Variants in FOXA3 observed in about 807,000 individuals in gnomAD.
FOXA3 encodes the protein hepatocyte nuclear factor 3-gamma.
A neutral mutation model predicts 16.9 loss-of-function variants in FOXA3; 11 were observed. The ratio of observed to expected loss-of-function variants is 0.65; its 90% CI spans 0.41 to 1.08. FOXA3 has a LOEUF of 1.08. Ranked by LOEUF, FOXA3 falls within the 50% of genes least tolerant of loss-of-function variation. The pLI, the probability that FOXA3 is intolerant of heterozygous loss-of-function variation, is 0.00. For synonymous variants in FOXA3, 217 were observed against 203.3 expected (o/e 1.07, Z -0.57); for missense variants, 423 against 470.1 (o/e 0.90, Z 0.93).
intron 1 of FOXA3, among the ~76,000 whole-genome samples, chr19:45,869,354 T>G (rs1001163378): frequency 1.3e-5 from 2 of 152,218 alleles, no homozygotes; most frequent in African/African-American, 4.8e-5. Flanking sequence ...TCTCTGGGCC[T>G]CAGCTAGCTC....
intron 1 of FOXA3, among the ~76,000 whole-genome samples, chr19:45,868,124 G>A (rs1169158605): frequency 6.6e-6 from 1 of 152,096 alleles, no homozygotes; most frequent in Non-Finnish European, 1.5e-5. Context: ...GAGATTCAAA[G>A]AGACATGATG....
At chr19:45,864,646 G>A (rs1321949770) in intron 1 of FOXA3, 121 bp downstream of exon 1, 3 of 707,524 alleles carry the variant, frequency 4.2e-6, no homozygotes, top group Non-Finnish European at 6.1e-6. Flanking sequence ...GGGCAGCTGA[G>A]GAACTGGGAA....
In FOXA3 at chr19:45,864,518, C is replaced by A; in HGVS notation, c.62C>A (p.Ala21Glu). The A allele has an allele frequency of 6.5e-7, 1 of 1,544,864 alleles. No individual in the cohort carries two copies. The highest frequency in any genetic ancestry group is 1.2e-5 in the South Asian group (1 of 81,794). ...DLAEWSYYPE[A>E]GEVYSPVTPV... Reference sequence around the variant, plus strand: ...GCCGAGTGGAGCTACTACCCGGAGGCGGGCGAGGTGTGTCCTCGGGGATGG... The same window carrying A: ...GCCGAGTGGAGCTACTACCCGGAGGAGGGCGAGGTGTGTCCTCGGGGATGG... Residue 21 changes from alanine (A) to glutamate (E), a missense_variant, in exon 1 of 2, where the codon GCG becomes GAG. Transcript: ENST00000302177.
Position 45,873,200 on chromosome 19 carries a change from C to A in FOXA3, c.*142C>A. The stretch of plus-strand genomic sequence containing the variant: ...TTACTTACTGTGATGACTGCTGTCT[C>A]AGTGGGCATGGTGTTGATCCACGGG... On this transcript the variant is annotated 3_prime_UTR_variant, in exon 2 of 2. Transcript: ENST00000302177. 7.5e-7 allele frequency: 1 copy of A among 1,334,014 alleles called. No homozygotes were observed. 82.6% of individuals were successfully genotyped at this position (1,334,014 alleles called of 1,614,324 possible). A position where few individuals can be genotyped will look rare whatever the true frequency, so the allele number is the denominator to read the frequency against.
intron 1 of FOXA3, 50 bp downstream of exon 1, chr19:45,864,575 T>C (rs549880301): frequency 2.0e-5 from 28 of 1,427,648 alleles, no homozygotes; most frequent in Middle Eastern, 3.6e-4. Flanking sequence ...GGTATCGGGG[T>C]GTGGGCTCAC....
At chr19:45,867,511 A>G (rs559766951) in intron 1 of FOXA3, among the ~76,000 whole-genome samples, 30 of 152,038 alleles carry the variant, frequency 2.0e-4, no homozygotes, top group Middle Eastern at 3.4e-3. Flanking sequence ...TCGTCATGGT[A>G]GCTCATGACT....
chr19:45,864,452 G>C lies in FOXA3; in HGVS notation c.-5G>C. ...CGGGGGCGGGTGGGGGCGTAAGCCC[G>C]GGGGATGCTGGGCTCAGTGAAGATG... On this transcript the variant is annotated 5_prime_UTR_variant, in exon 1 of 2. Transcript: ENST00000302177. The C allele has an allele frequency of 6.8e-7, 1 of 1,471,396 alleles. No individual in the cohort carries two copies. The highest frequency in any genetic ancestry group is 1.3e-5 in the South Asian group (1 of 74,462). The allele number at this position is 1,471,396 out of a possible 1,614,324, so 91.1% of individuals were successfully genotyped here.
At chr19:45,870,723 C>T (rs910593423) in intron 1 of FOXA3, among the ~76,000 whole-genome samples, 3 of 151,962 alleles carry the variant, frequency 2.0e-5, no homozygotes, top group Non-Finnish European at 2.9e-5. Flanking sequence ...TCCTGTGCCA[C>T]GATGCCGGCT....
At position 45,864,430 on chromosome 19, in the gene FOXA3, G is replaced by A; in HGVS notation, c.-27G>A. 1 of 1,406,344 alleles carries A rather than the reference G, an allele frequency of 7.1e-7. No individual in the cohort carries two copies. The highest frequency in any genetic ancestry group is 9.4e-7 in the Non-Finnish European group (1 of 1,066,336). 87.1% of individuals were successfully genotyped at this position (1,406,344 alleles called of 1,614,324 possible). On this transcript the variant is annotated 5_prime_UTR_variant, in exon 1 of 2. Transcript: ENST00000302177. ...CTCCGTTCCCCCGGGGCCGGAGCGG[G>A]GGCGGGTGGGGGCGTAAGCCCGGGG... is the stretch of plus-strand genomic sequence containing the variant.
intron 1 of FOXA3, among the ~76,000 whole-genome samples, chr19:45,867,467 G>GGATGGATA (rs1029942396): frequency 6.7e-6 from 1 of 150,328 alleles, no homozygotes; most frequent in African/African-American, 2.4e-5. Flanking sequence ...ATGCATGGAT[G>GGATGGATA]GATGGATAGA....
At chr19:45,864,964 G>T (rs3810328) in intron 1 of FOXA3, among the ~76,000 whole-genome samples, 15,116 of 152,086 alleles carry the variant, frequency 0.099, 753 homozygotes, top group Non-Finnish European at 0.1. Flanking sequence ...TTAAGGGGAA[G>T]ACTGAGGTGG....
At chr19:45,867,962 G>T (rs1252770759) in intron 1 of FOXA3, among the ~76,000 whole-genome samples, 1 of 149,968 alleles carries the variant, frequency 6.7e-6, no homozygotes, top group African/African-American at 2.5e-5. Flanking sequence ...GATGGGAGAG[G>T]ACTCGGGAGG....
intron 1 of FOXA3, among the ~76,000 whole-genome samples, chr19:45,870,569 C>CT (rs34349319): frequency 0.33 from 43,951 of 133,204 alleles, 7,691 homozygotes; most frequent in African/African-American, 0.44. Flanking sequence ...CACCCCCCTT[C>CT]TTTTTTTTTT....
At chr19:45,866,934 A>C (rs1972089869) in intron 1 of FOXA3, among the ~76,000 whole-genome samples, 1 of 152,214 alleles carries the variant, frequency 6.6e-6, no homozygotes, top group South Asian at 2.1e-4. Context: ...AAAGAGGAGA[A>C]ATTCCAGTCT....
chr19:45,871,515 A>G (rs1263091577), intron 1 of FOXA3, among the ~76,000 whole-genome samples: 3 of 151,132 alleles, frequency 2.0e-5, no homozygotes, highest in Admixed American at 1.3e-4. Flanking sequence ...TCACGAGGTC[A>G]GGAGTTCAAG....
chr19:45,864,379 C>T lies in FOXA3; in HGVS notation c.-78C>T, dbSNP rs1047016211. On this transcript the variant is annotated 5_prime_UTR_variant, in exon 1 of 2. Coordinates refer to ENST00000302177, the MANE Select transcript of FOXA3 (RefSeq NM_004497.3). ...GGGCGGGCGCCGGTGGGAGCTCGGGCCGTGCCCGCTGAGAGATCCAGAGCG... is the reference window on the plus strand; with the variant it reads ...GGGCGGGCGCCGGTGGGAGCTCGGGTCGTGCCCGCTGAGAGATCCAGAGCG... 1.4e-5 allele frequency: 17 copies of T among 1,221,614 alleles called. No individual in the cohort carries two copies. Among genetic ancestry groups the T allele is most frequent in the Non-Finnish European group, 1.8e-5 (17 of 950,452 alleles). The allele number at this position is 1,221,614 out of a possible 1,614,324, so 75.7% of individuals were successfully genotyped here.
Position 45,872,072 on chromosome 19 carries a change from T to C in FOXA3, c.70-3T>C, listed in dbSNP as rs2146362776. 1 of 1,612,154 alleles carries C rather than the reference T, an allele frequency of 6.2e-7. No individual in the cohort carries two copies. The highest frequency in any genetic ancestry group is 2.2e-5 in the East Asian group (1 of 44,866). ...CTGACCCCTCCTTTCATCTTTCCCC[T>C]AGGTCTACTCGCCGGTGACCCCAGT... On this transcript the variant is annotated splice_region_variant and splice_polypyrimidine_tract_variant and intron_variant, in intron 1 of 1. Coordinates refer to ENST00000302177, the MANE Select transcript of FOXA3 (RefSeq NM_004497.3). The surrounding 1 kb of genome is among the most constrained non-coding windows in gnomAD (Gnocchi z 4.5).
intron 1 of FOXA3, among the ~76,000 whole-genome samples, chr19:45,868,319 G>C (rs187273827): frequency 6.6e-6 from 1 of 151,944 alleles, no homozygotes; most frequent in African/African-American, 2.4e-5. Context: ...GTGGCTCATG[G>C]CTATAATCCC....
In FOXA3 at chr19:45,872,142, T is replaced by C; in HGVS notation, c.137T>C (p.Leu46Pro). 6.3e-7 allele frequency: 1 copy of C among 1,596,096 alleles called. No individual in the cohort carries two copies. Among genetic ancestry groups the C allele is most frequent in the Non-Finnish European group, 8.5e-7 (1 of 1,171,500 alleles). Residue 46 changes from leucine (L) to proline (P), a missense_variant, in exon 2 of 2, where the codon CTA becomes CCA. By Grantham distance (98) the Leu-to-Pro change is moderately conservative. Transcript: ENST00000302177. The surrounding 1 kb of genome is among the most constrained non-coding windows in gnomAD (Gnocchi z 4.5). ...AACTCCTACATGACCCTGAATCCTC[T>C]AAGCTCTCCCTATCCCCCTGGGGGG... ...PLNSYMTLNPLSSPYPPGGLP... is the reference protein window; with the variant it reads ...PLNSYMTLNPPSSPYPPGGLP...
Sources: gnomAD v4.1 joint callset for allele counts (sites outside exome capture counted in the v4.1 genomes callset) on GRCh38, gnomAD v4.1.1 for gene constraint, Gnocchi (gnomAD v3.1) non-coding constraint, MANE v1.5 for transcripts, NCBI Gene and HGNC (gene_info 2026-07-23, HGNC 2026-07-21) for gene names.